Variants in EIF4E1B observed in about 807,000 individuals in gnomAD.
EIF4E1B encodes the protein eukaryotic translation initiation factor 4E family member 1B.
In EIF4E1B, 22 loss-of-function variants were observed where a neutral mutation model predicts 31.3. The ratio of observed to expected loss-of-function variants is 0.70; its 90% confidence interval spans 0.50 to 1.00. EIF4E1B has a LOEUF of 1.00. EIF4E1B is among the 50% of genes least tolerant of loss of function. The pLI is 0.00. For synonymous variants in EIF4E1B, 126 were observed against 120.2 expected, an observed-to-expected ratio of 1.05 and a Z score of -0.31; for missense variants, 290 against 311.6, an observed-to-expected ratio of 0.93 and a Z score of 0.52.
rs1168946646 is a variant in EIF4E1B, at chr5:176,645,523, A to AGGGTCTCTGGCACAGGGT, written c.614+11_614+28dup. 15 of 1,510,054 alleles carry AGGGTCTCTGGCACAGGGT rather than the reference A, an allele frequency of 9.9e-6. No homozygotes were observed. In the Admixed American group the frequency reaches 1.9e-4, roughly 19 times the overall value. 93.5% of individuals were successfully genotyped at this position (1,510,054 alleles called of 1,614,324 possible). ...CGGGCGTGCTGCACGTTGGGTGAGG[A>AGGGTCTCTGGCACAGGGT]GGGTCTCTGGCACAGGGTGGGGACT... On this transcript the variant is annotated splice_region_variant and intron_variant, in intron 8 of 8. Transcript: ENST00000318682. This position sits in a 1 kb window ranked among gnomAD's most constrained non-coding sequence, Gnocchi z 5.4.
chr5:176,639,966 T>C (rs1263160783), intron 1 of EIF4E1B, among the ~76,000 whole-genome samples: 1 of 152,192 alleles, frequency 6.6e-6, no homozygotes, highest in African/African-American at 2.4e-5. Flanking sequence ...CTTCCCAGCC[T>C]GGTCCTCTTC....
chr5:176,643,678 C>T lies in EIF4E1B; in HGVS notation c.240C>T (p.Ala80=), dbSNP rs1760638286. 5 of 1,612,798 alleles carry T rather than the reference C, an allele frequency of 3.1e-6. No individual in the cohort carries two copies. In the East Asian group the frequency reaches 1.1e-4, roughly 36 times the overall value. Residue 80 remains alanine, a synonymous_variant, in exon 5 of 9, where the codon GCC becomes GCT. Transcript: ENST00000318682. Reference sequence around the variant, plus strand: ...TCTTCAAGAATGACCGCAGCCGGGCCTGGCAGGACAACCTGCACCTGGTCA... The same window carrying T: ...TCTTCAAGAATGACCGCAGCCGGGCTTGGCAGGACAACCTGCACCTGGTCA... ...LWFFKNDRSR[A]WQDNLHLVTK... is the part of the protein sequence containing the mutation.
chr5:176,631,823 C>T (rs1167424669), intron 1 of EIF4E1B, among the ~76,000 whole-genome samples: 1 of 152,150 alleles, frequency 6.6e-6, no homozygotes, highest in African/African-American at 2.4e-5. Flanking sequence ...TGATCCCGTG[C>T]GACTCTAGCC....
At chr5:176,643,048 T>A in intron 3 of EIF4E1B, 34 bp from the exon 4 acceptor site, 1 of 1,577,698 alleles carries the variant, frequency 6.3e-7, no homozygotes, top group Non-Finnish European at 8.6e-7. Flanking sequence ...GGGCCAGAGC[T>A]CACAACCCAT....
chr5:176,632,961 G>A (rs1017803545), intron 1 of EIF4E1B, among the ~76,000 whole-genome samples: 1 of 152,162 alleles, frequency 6.6e-6, no homozygotes, highest in African/African-American at 2.4e-5. Context: ...AGGGCGGGGT[G>A]GGGGAGGGGT....
intron 1 of EIF4E1B, among the ~76,000 whole-genome samples, chr5:176,640,741 C>T (rs1232510009): frequency 1.3e-5 from 2 of 152,208 alleles, no homozygotes; most frequent in Non-Finnish European, 2.9e-5. Context: ...TCAGTGGCTC[C>T]CCACTGCCCC....
intron 1 of EIF4E1B, among the ~76,000 whole-genome samples, chr5:176,632,053 C>G (rs1473035873): frequency 6.6e-6 from 1 of 152,052 alleles, no homozygotes; most frequent in Non-Finnish European, 1.5e-5. Context: ...GTGTGAGAAG[C>G]AAGGTGCCAA....
intron 1 of EIF4E1B, among the ~76,000 whole-genome samples, chr5:176,640,282 G>A (rs948586726): frequency 2.0e-4 from 30 of 152,310 alleles, no homozygotes; most frequent in African/African-American, 7.2e-4. Context: ...GCTGCCCCAC[G>A]TGTGAGTGAG....
Position 176,642,759 on chromosome 5 carries a change from C to T in EIF4E1B, c.-29C>T, listed in dbSNP as rs778721946. The T allele has an allele frequency of 2.9e-5, 45 of 1,559,550 alleles. No individual in the cohort carries two copies. The highest frequency in any genetic ancestry group is 9.6e-5 in the African/African-American group (7 of 73,156). On this transcript the variant is annotated 5_prime_UTR_variant, in exon 3 of 9. Transcript: ENST00000318682. The stretch of plus-strand genomic sequence containing the variant: ...TTGGTCACAGCTGCTTCCCCAGCCC[C>T]AGGCCTGCACGAAGAAGGCACTCAC...
Position 176,638,970 on chromosome 5 carries a change from GTTTTA to G in EIF4E1B, c.-201-3068_-201-3064del, listed in dbSNP as rs1760536461. On this transcript the variant is annotated intron_variant, in intron 1 of 8. Transcript: ENST00000318682. The surrounding 1 kb of genome is among the most constrained non-coding windows in gnomAD (Gnocchi z 4.3). ...TGTTGCTGTTGTTGTTTGTTTGTTT[GTTTTA>G]TTTTTAGTAGAGACACGGTTTTACC... Among the ~76,000 whole-genome samples the G allele has an allele frequency of 6.6e-6, 1 of 152,006 alleles. No individual in the cohort carries two copies. Among genetic ancestry groups the G allele is most frequent in the Non-Finnish European group, 1.5e-5 (1 of 68,014 alleles).
chr5:176,636,243 C>T (rs757365407), intron 1 of EIF4E1B, among the ~76,000 whole-genome samples: 3 of 152,246 alleles, frequency 2.0e-5, no homozygotes, highest in Non-Finnish European at 4.4e-5. Context: ...CGCCACATAC[C>T]CCTACCACCC....
intron 5 of EIF4E1B, 95 bp from the exon 6 acceptor site, chr5:176,644,281 A>G (rs1283792679): frequency 7.6e-7 from 1 of 1,309,070 alleles, no homozygotes; most frequent in East Asian, 2.6e-5. Context: ...CTTGGAGGCC[A>G]TGGGGTCGGA....
intron 1 of EIF4E1B, chr5:176,641,672 A>G (rs373134897): frequency 6.6e-6 from 1 of 152,406 alleles, no homozygotes; most frequent in African/African-American, 2.4e-5. Context: ...ACCAGGGCTT[A>G]AGGCTGTGGG....
At position 176,645,353 on chromosome 5, in the gene EIF4E1B, C is replaced by T. The variant is rs777594745; in HGVS notation, c.475-24C>T. The stretch of plus-strand genomic sequence containing the variant: ...GTCCCTATGTCCCAGCCGGTGATCT[C>T]ACAACCCCCTACTTCGGGTCCAGCT... On this transcript the variant is annotated intron_variant, in intron 7 of 8. Coordinates refer to ENST00000318682, the MANE Select transcript of EIF4E1B (RefSeq NM_001099408.2). This position sits in a 1 kb window ranked among gnomAD's most constrained non-coding sequence, Gnocchi z 5.4. 6.5e-7 allele frequency: 1 copy of T among 1,541,372 alleles called. No individual in the cohort carries two copies. The highest frequency in any genetic ancestry group is 8.8e-7 in the Non-Finnish European group (1 of 1,140,494).
At chr5:176,641,784 G>A (rs748104755) in intron 1 of EIF4E1B, 1 of 152,512 alleles carries the variant, frequency 6.6e-6, no homozygotes, top group African/African-American at 2.4e-5. Flanking sequence ...CCAAGGGGAG[G>A]AGGCAAAACT....
At position 176,643,152 on chromosome 5, in the gene EIF4E1B, C is replaced by G. The variant is rs767320217; in HGVS notation, c.86C>G (p.Thr29Arg). The change falls in exon 4 of 9, where the codon ACG (threonine) becomes AGG (arginine). Residue 29 changes from threonine to arginine, a missense_variant. Coordinates refer to ENST00000318682, the MANE Select transcript of EIF4E1B (RefSeq NM_001099408.2). ...EEKEEEAAER[T>R]PTGEKSPNSP... ...AAGGAGGAGGAGGCAGCAGAGAGGA[C>G]GCCCACAGGAGAAAAGTCTCCAAAC... The G allele has an allele frequency of 3.1e-6, 5 of 1,613,734 alleles. No individual in the cohort carries two copies. Among genetic ancestry groups the G allele is most frequent in the Non-Finnish European group, 4.2e-6 (5 of 1,179,878 alleles).
chr5:176,633,186 G>C (rs1760435687), intron 1 of EIF4E1B, among the ~76,000 whole-genome samples: 1 of 151,954 alleles, frequency 6.6e-6, no homozygotes, highest in African/African-American at 2.4e-5. Flanking sequence ...AGCTATCCTG[G>C]AGATTATTTG....
intron 1 of EIF4E1B, among the ~76,000 whole-genome samples, chr5:176,633,223 TTG>T (rs1233614363): frequency 2.0e-5 from 3 of 150,810 alleles, no homozygotes; most frequent in African/African-American, 7.3e-5. Flanking sequence ...TTTTGTTTGT[TTG>T]TTTGTTTGTT....
intron 1 of EIF4E1B, among the ~76,000 whole-genome samples, chr5:176,632,228 A>G (rs957973159): frequency 2.0e-5 from 3 of 152,186 alleles, no homozygotes; most frequent in Non-Finnish European, 2.9e-5. Flanking sequence ...AAACATACAC[A>G]TATTTATGGC....
Sources: gnomAD v4.1 joint callset for allele counts (sites outside exome capture counted in the v4.1 genomes callset) on GRCh38, gnomAD v4.1.1 for gene constraint, Gnocchi (gnomAD v3.1) non-coding constraint, MANE v1.5 for transcripts, NCBI Gene and HGNC (gene_info 2026-07-23, HGNC 2026-07-21) for gene names.